UBA1: variants seen among roughly 807,000 people sequenced by gnomAD.
The protein encoded by UBA1 is ubiquitin like modifier activating enzyme 1, also known as ubiquitin-like modifier-activating enzyme 1.
A neutral mutation model predicts 84.7 loss-of-function variants in UBA1; 4 were observed. That is an observed-to-expected ratio of 0.05 (90% CI 0.02 to 0.11). UBA1 has a LOEUF of 0.11. Ranked by LOEUF, UBA1 falls within the 10% of genes least tolerant of loss-of-function variation. The probability of loss-of-function intolerance (pLI) is 1.00; values close to 1 mark genes in which losing one functional copy is unlikely to be tolerated. For synonymous variants in UBA1, 364 were observed against 362.6 expected, an observed-to-expected ratio of 1.00 and a Z score of -0.04; for missense variants, 513 against 902.8, an observed-to-expected ratio of 0.57 and a Z score of 5.53.
chrX:47,201,355 A>G lies in UBA1; in HGVS notation c.667A>G (p.Met223Val). The G allele has an allele frequency of 5.8e-6, 7 of 1,209,730 alleles. No individual in the cohort carries two copies. The highest frequency in any genetic ancestry group is 7.8e-6 in the Non-Finnish European group (7 of 894,467). The change falls in exon 7 of 26, where the codon ATG (methionine) becomes GTG (valine). Residue 223 changes from methionine (M) to valine (V), a missense_variant. Physicochemically the swap from Met to Val is conservative, Grantham distance 21. Around this residue, in one of 6 missense-constraint regions of UBA1, gnomAD observed 227 missense variants for 339.1 expected, o/e 0.67. Coordinates refer to ENST00000335972, the MANE Select transcript of UBA1 (RefSeq NM_003334.4). ...GEQPLSAMVS[M>V]VTKDNPGVVT... ...GCAGCCACTCAGTGCTATGGTTTCT[A>G]TGGTTACCAAGGTAAGGAGACCAGC...
chrX:47,209,493 G>A (rs1936828750), intron 16 of UBA1, 130 bp from the exon 17 acceptor site: 1 of 611,906 alleles, frequency 1.6e-6, no homozygotes, highest in African/African-American at 2.2e-5. Flanking sequence ...GAAGGCTAGA[G>A]GGCTTCCCCA....
chrX:47,205,822 C>G, intron 14 of UBA1, 126 bp from the exon 15 acceptor site: 1 of 833,934 alleles, frequency 1.2e-6, no homozygotes, highest in Non-Finnish European at 1.7e-6. Context: ...CCACTGCATT[C>G]CAGCCTGTGT....
chrX:47,199,756 G>T, intron 5 of UBA1, 142 bp downstream of exon 5: 1 of 705,955 alleles, frequency 1.4e-6, no homozygotes, highest in Non-Finnish European at 2.2e-6. Context: ...GCAGGCAGCA[G>T]TTAGCCCCTG....
At chrX:47,194,566 A>G (rs184806496) in intron 1 of UBA1, among the ~76,000 whole-genome samples, 43 of 111,445 alleles carry the variant, frequency 3.9e-4, no homozygotes, top group Admixed American at 3.6e-3. Context: ...TCCCACACAC[A>G]TGCTAGCCGC....
chrX:47,196,182 C>G (rs1569206023), intron 1 of UBA1, among the ~76,000 whole-genome samples: 1 of 111,399 alleles, frequency 9.0e-6, no homozygotes, highest in Non-Finnish European at 1.9e-5. Flanking sequence ...TCCTAATACC[C>G]TAGCCTAGTC....
At chrX:47,198,722 C>T (rs1435856388) in intron 1 of UBA1, 81 bp from the exon 2 acceptor site, 7 of 966,622 alleles carry the variant, frequency 7.2e-6, no homozygotes, top group Non-Finnish European at 1.0e-5. Context: ...TAAGTCTTCC[C>T]TTCCCCCACA....
chrX:47,202,355 C>T lies in UBA1; in HGVS notation c.910-3C>T. 8.3e-7 allele frequency: 1 copy of T among 1,211,877 alleles called. No homozygotes were observed. Among genetic ancestry groups the T allele is most frequent in the Non-Finnish European group, 1.1e-6 (1 of 895,460 alleles). Reference sequence around the variant, plus strand: ...GTTCTGATGACCTCTCCCCCCGCCACAGAAATCCTTGGTGGCCTCACTGGC... The same window carrying T: ...GTTCTGATGACCTCTCCCCCCGCCATAGAAATCCTTGGTGGCCTCACTGGC... On this transcript the variant is annotated splice_polypyrimidine_tract_variant and splice_region_variant and intron_variant, in intron 9 of 25. Coordinates refer to ENST00000335972, the MANE Select transcript of UBA1 (RefSeq NM_003334.4).
chrX:47,193,100 A>G (rs782699749), upstream of UBA1, among the ~76,000 whole-genome samples: 1 of 111,460 alleles, frequency 9.0e-6, no homozygotes, highest in Non-Finnish European at 1.9e-5. Context: ...ATTCATGAAC[A>G]GGAAGGCGTG....
At chrX:47,197,988 C>G in intron 1 of UBA1, 2 of 872,116 alleles carry the variant, frequency 2.3e-6, no homozygotes, top group South Asian at 6.0e-5. Flanking sequence ...ATCTAATACT[C>G]ATTTATCATT....
chrX:47,203,196 C>G lies in UBA1; in HGVS notation c.1401C>G (p.Gly467=), dbSNP rs782569910. The G allele has an allele frequency of 1.5e-5, 18 of 1,210,483 alleles. No individual in the cohort carries two copies. Among genetic ancestry groups the G allele is most frequent in the Non-Finnish European group, 1.9e-5 (17 of 895,183 alleles). ...GCTCAGACCTGCAAGAGAAGCTGGG[C>G]AAGCAGAAGTATTTCCTGGTAAGTG... ...VFGSDLQEKL[G]KQKYFLVGAG... Residue 467 remains glycine (G), a synonymous_variant, in exon 13 of 26, where the codon GGC becomes GGG. Transcript: ENST00000335972.
At chrX:47,197,073 A>G in intron 1 of UBA1, 1 of 748,165 alleles carries the variant, frequency 1.3e-6, no homozygotes, top group Non-Finnish European at 1.6e-6. Flanking sequence ...CTTTGTCTCT[A>G]CTAACTCACC....
chrX:47,194,579 T>C (rs1936132242), intron 1 of UBA1, among the ~76,000 whole-genome samples: 1 of 111,711 alleles, frequency 9.0e-6, no homozygotes, highest in East Asian at 2.8e-4. Context: ...CTAGCCGCGC[T>C]CAGAGCTTCC....
At chrX:47,209,422 G>T in intron 16 of UBA1, 1 of 522,238 alleles carries the variant, frequency 1.9e-6, no homozygotes, top group South Asian at 2.5e-5. Context: ...CCAAAGTGCT[G>T]GGATTACAGG....
At chrX:47,209,374 G>A (rs1224431026) in intron 16 of UBA1, 8 of 482,372 alleles carry the variant, frequency 1.7e-5, no homozygotes, top group South Asian at 1.2e-4. Flanking sequence ...GGCTGGTCTC[G>A]AACCCTTGAC....
intron 1 of UBA1, among the ~76,000 whole-genome samples, chrX:47,196,044 T>G (rs1936196196): frequency 9.1e-6 from 1 of 110,401 alleles, no homozygotes; most frequent in Non-Finnish European, 1.9e-5. Flanking sequence ...CCCCCACCCA[T>G]TCCCTTTGCA....
chrX:47,198,023 C>T (rs1482452886), intron 1 of UBA1: 2 of 889,881 alleles, frequency 2.2e-6, no homozygotes, highest in Non-Finnish European at 2.8e-6. Context: ...TAAGGGACTC[C>T]GCATGCAGAT....
rs144017941 is a variant in UBA1, at chrX:47,209,541, C to T, written c.1939-82C>T. 7.8e-4 allele frequency: 722 copies of T among 923,035 alleles called. 6 individuals carry two copies. In the East Asian group the frequency reaches 0.02, roughly 25 times the overall value. 76.1% of individuals were successfully genotyped at this position (923,035 alleles called of 1,213,427 possible). A position where few individuals can be genotyped will look rare whatever the true frequency, so the allele number is the denominator to read the frequency against. On this transcript the variant is annotated intron_variant, in intron 16 of 25. Coordinates refer to ENST00000335972, the MANE Select transcript of UBA1 (RefSeq NM_003334.4). ...CTGTGCGCCTTGTACTTGCTTTATT[C>T]ACTGATGGTCCTTCTAATAATGCCT...
At chrX:47,196,582 G>A (rs1936213915) in intron 1 of UBA1, among the ~76,000 whole-genome samples, 1 of 108,707 alleles carries the variant, frequency 9.2e-6, no homozygotes, top group Admixed American at 9.7e-5. Context: ...TTGTTTTTCT[G>A]CTGGGGGTGG....
At chrX:47,204,588 T>C (rs1556789997) in intron 14 of UBA1, among the ~76,000 whole-genome samples, 1 of 111,453 alleles carries the variant, frequency 9.0e-6, no homozygotes, top group Admixed American at 9.5e-5. Context: ...TAAACTGTAT[T>C]GTTTGCATGA....
Sources: allele counts gnomAD v4.1 joint callset (sites outside exome capture counted in the v4.1 genomes callset), GRCh38; gene constraint gnomAD v4.1.1; regional missense constraint gnomAD v4.1.1; transcripts MANE v1.5; gene names NCBI Gene and HGNC (gene_info 2026-07-23, HGNC 2026-07-21).